NAALADL2: variants seen among roughly 807,000 people sequenced by gnomAD.
The protein encoded by NAALADL2 is N-acetylated alpha-linked acidic dipeptidase like 2.
In NAALADL2, 76 loss-of-function variants were observed where a neutral mutation model predicts 87.2. That is an observed-to-expected ratio of 0.87 (90% CI 0.72 to 1.05). NAALADL2 has a LOEUF of 1.05. Ranked by LOEUF, NAALADL2 falls within the 50% of genes least tolerant of loss-of-function variation. NAALADL2 has a pLI of 0.00. For missense variants in NAALADL2, 1,089 were observed against 945.8 expected (o/e 1.15, Z -1.99); for synonymous variants, 354 against 331.0 (o/e 1.07, Z -0.75).
At chr3:175,727,811 A>C (rs945160621) in intron 11 of NAALADL2, among the ~76,000 whole-genome samples, 3 of 152,146 alleles carry the variant, frequency 2.0e-5, no homozygotes, top group Admixed American at 6.5e-5. Flanking sequence ...ATTCCACCAA[A>C]ATTTTTCTGC....
chr3:174,985,731 T>C (rs895438226), intron 1 of NAALADL2, among the ~76,000 whole-genome samples: 4 of 152,096 alleles, frequency 2.6e-5, no homozygotes, highest in African/African-American at 7.2e-5. Context: ...GGCGGGATGG[T>C]CACCTGAGGT....
At chr3:174,773,038 T>C (rs1429639742) in intron 3 of NAALADL2, among the ~76,000 whole-genome samples, 1 of 152,092 alleles carries the variant, frequency 6.6e-6, no homozygotes, top group Non-Finnish European at 1.5e-5. Flanking sequence ...AGAACAAAAA[T>C]AATGCTGAGA....
At chr3:174,807,755 A>G (rs1422452885) in intron 3 of NAALADL2, among the ~76,000 whole-genome samples, 1 of 152,074 alleles carries the variant, frequency 6.6e-6, no homozygotes, top group African/African-American at 2.4e-5. Context: ...AATTAGTGTA[A>G]TTTGAAACAT....
At chr3:174,799,180 A>AG (rs1472464928) in intron 3 of NAALADL2, among the ~76,000 whole-genome samples, 8 of 152,094 alleles carry the variant, frequency 5.3e-5, no homozygotes, top group Non-Finnish European at 1.0e-4. Flanking sequence ...AAAAAAAAAA[A>AG]AAAAATTATT....
At chr3:175,100,894 G>T (rs564362026) in intron 2 of NAALADL2, among the ~76,000 whole-genome samples, 27 of 151,506 alleles carry the variant, frequency 1.8e-4, no homozygotes, top group African/African-American at 6.5e-4. Flanking sequence ...TTTAGGTGGC[G>T]TACGGCAAAT....
At chr3:174,602,741 A>G (rs962772235) in intron 2 of NAALADL2, among the ~76,000 whole-genome samples, 2 of 152,000 alleles carry the variant, frequency 1.3e-5, no homozygotes, top group East Asian at 1.9e-4. Flanking sequence ...TCCCTCATTT[A>G]GTATGATATT....
intron 1 of NAALADL2, among the ~76,000 whole-genome samples, chr3:174,458,122 A>G (rs1715971610): frequency 6.6e-6 from 1 of 152,180 alleles, no homozygotes; most frequent in Non-Finnish European, 1.5e-5. Context: ...ACCTGCACAT[A>G]CACCCTTGAA....
chr3:175,609,163 T>G (rs527834261), intron 10 of NAALADL2, among the ~76,000 whole-genome samples: 2 of 152,206 alleles, frequency 1.3e-5, no homozygotes, highest in South Asian at 4.1e-4. Context: ...TTGGCCCACA[T>G]AGAGATTGAA....
intron 9 of NAALADL2, among the ~76,000 whole-genome samples, chr3:175,519,797 T>A (rs1732373868): frequency 6.6e-6 from 1 of 152,220 alleles, no homozygotes; most frequent in South Asian, 2.1e-4. Context: ...TAAAATACAA[T>A]GCTTCTGGTT....
intron 1 of NAALADL2, among the ~76,000 whole-genome samples, chr3:174,882,474 T>C (rs571885226): frequency 2.0e-4 from 30 of 151,376 alleles, no homozygotes; most frequent in African/African-American, 7.3e-4. Flanking sequence ...TACATATGTG[T>C]ATGCATACAT....
chr3:175,336,263 C>G (rs1283552503), intron 5 of NAALADL2, among the ~76,000 whole-genome samples: 3 of 152,116 alleles, frequency 2.0e-5, no homozygotes, highest in Non-Finnish European at 4.4e-5. Context: ...TACTACAAAA[C>G]TATTAGACTT....
intron 3 of NAALADL2, among the ~76,000 whole-genome samples, chr3:174,795,356 A>G (rs1717965301): frequency 6.6e-6 from 1 of 152,070 alleles, no homozygotes; most frequent in South Asian, 2.1e-4. Context: ...TGGCTAATTG[A>G]GTATATGTGT....
At chr3:174,947,016 A>G (rs1033557245) in intron 1 of NAALADL2, among the ~76,000 whole-genome samples, 3 of 152,184 alleles carry the variant, frequency 2.0e-5, no homozygotes, top group Non-Finnish European at 4.4e-5. Context: ...TAGAACCGTC[A>G]CTTAGTAACC....
At chr3:175,755,076 A>G (rs1009876402) in intron 12 of NAALADL2, 144 bp from the exon 13 acceptor site, 3 of 631,730 alleles carry the variant, frequency 4.7e-6, no homozygotes, top group Non-Finnish European at 7.9e-6. Context: ...GACAAAAAAA[A>G]AGAGAGAGAG....
chr3:175,259,795 G>A (rs1053360743), intron 4 of NAALADL2, among the ~76,000 whole-genome samples: 1 of 152,156 alleles, frequency 6.6e-6, no homozygotes, highest in African/African-American at 2.4e-5. Flanking sequence ...TGTAATGCCA[G>A]CACCTTTGGA....
At chr3:174,941,937 G>A (rs1407121089) in intron 1 of NAALADL2, among the ~76,000 whole-genome samples, 1 of 151,826 alleles carries the variant, frequency 6.6e-6, no homozygotes, top group Non-Finnish European at 1.5e-5. Flanking sequence ...ATACCACTGG[G>A]GCTTGCTTTC....
intron 2 of NAALADL2, among the ~76,000 whole-genome samples, chr3:174,627,058 GGTTCATGGTCT>G (rs1457979965): frequency 6.6e-6 from 1 of 151,978 alleles, no homozygotes; most frequent in African/African-American, 2.4e-5. Flanking sequence ...GGATACTTAT[GGTTCATGGTCT>G]GTGACCTTAG....
At chr3:174,657,424 T>G (rs576843366) in intron 2 of NAALADL2, among the ~76,000 whole-genome samples, 2 of 152,110 alleles carry the variant, frequency 1.3e-5, no homozygotes, top group Admixed American at 1.3e-4. Context: ...TCCCAATTGT[T>G]GAGACTACAG....
At chr3:174,788,740 T>C (rs1717108870) in intron 3 of NAALADL2, among the ~76,000 whole-genome samples, 1 of 152,126 alleles carries the variant, frequency 6.6e-6, no homozygotes, top group Non-Finnish European at 1.5e-5. Flanking sequence ...AAAGAGGTGA[T>C]AGAATGCTTA....
Sources: gnomAD v4.1 joint callset for allele counts (sites outside exome capture counted in the v4.1 genomes callset) on GRCh38, gnomAD v4.1.1 for gene constraint, MANE v1.5 for transcripts, NCBI Gene and HGNC (gene_info 2026-07-23, HGNC 2026-07-21) for gene names.